LSAMP: variants seen among roughly 807,000 people sequenced by gnomAD.
LSAMP encodes the protein limbic system associated membrane protein, also known as limbic system-associated membrane protein.
In LSAMP, 7 loss-of-function variants were observed where a neutral mutation model predicts 38.6. The ratio of observed to expected loss-of-function variants is 0.18; its 90% CI spans 0.10 to 0.34. The LOEUF is 0.34. Among genes scored for constraint, LSAMP ranks in the 10% least tolerant of loss-of-function variants. LSAMP has a pLI of 1.00. For synonymous variants in LSAMP, 154 were observed against 166.8 expected (o/e 0.92, Z 0.59); for missense variants, 313 against 420.0 (o/e 0.75, Z 2.23).
At chr3:116,105,765 C>T (rs1443474260) in intron 1 of LSAMP, among the ~76,000 whole-genome samples, 2 of 152,124 alleles carry the variant, frequency 1.3e-5, no homozygotes, top group Non-Finnish European at 2.9e-5. Context: ...GATGCGATGG[C>T]TTGGCTTGGG....
At chr3:115,964,545 C>A (rs539140585) in intron 3 of LSAMP, among the ~76,000 whole-genome samples, 3 of 152,180 alleles carry the variant, frequency 2.0e-5, no homozygotes, top group Non-Finnish European at 4.4e-5. Context: ...GTGTTTCCAA[C>A]CAGTAGTATA....
chr3:116,118,693 C>T (rs1452717126), intron 1 of LSAMP, among the ~76,000 whole-genome samples: 2 of 152,102 alleles, frequency 1.3e-5, no homozygotes, highest in Non-Finnish European at 2.9e-5. Flanking sequence ...TTTGTATACA[C>T]AACACCCACA....
chr3:116,172,954 G>GA (rs542781909), intron 1 of LSAMP, among the ~76,000 whole-genome samples: 6 of 151,152 alleles, frequency 4.0e-5, no homozygotes, highest in Non-Finnish European at 7.4e-5. Context: ...TAGAATGAGA[G>GA]AAAAAAAAGA....
intron 2 of LSAMP, among the ~76,000 whole-genome samples, chr3:116,023,332 C>G (rs563075271): frequency 6.6e-6 from 1 of 151,822 alleles, no homozygotes; most frequent in African/African-American, 2.4e-5. Flanking sequence ...CGGTGGCTCA[C>G]GCCTGTAATC....
At chr3:116,206,082 C>G (rs2046063903) in intron 1 of LSAMP, among the ~76,000 whole-genome samples, 1 of 151,616 alleles carries the variant, frequency 6.6e-6, no homozygotes, top group South Asian at 2.1e-4. Context: ...AATTTCAGCT[C>G]CTGTTATTGG....
At chr3:116,092,280 A>G (rs1708141815) in intron 1 of LSAMP, among the ~76,000 whole-genome samples, 1 of 152,328 alleles carries the variant, frequency 6.6e-6, no homozygotes, top group South Asian at 2.1e-4. Context: ...GGAAATTTAA[A>G]GAGAATTATT....
At chr3:116,140,915 G>C (rs565022955) in intron 1 of LSAMP, among the ~76,000 whole-genome samples, 25 of 151,976 alleles carry the variant, frequency 1.6e-4, no homozygotes, top group African/African-American at 5.8e-4. Context: ...GAGGGAGAAG[G>C]ATAAAAGATC....
At position 115,848,564 on chromosome 3, in the gene LSAMP, G is replaced by T. The variant is rs1392197579; in HGVS notation, c.649+3919C>A. 6.6e-5 allele frequency among the ~76,000 whole-genome samples: 10 copies of T among 152,348 alleles called. No individual in the cohort carries two copies. The East Asian group carries it at 1.9e-3, about 29-fold the overall frequency. ...GTCTCCAGTCCCAATTGGGTATTCT[G>T]TGGCAACCTCTGCTTCCTCTAAATA... On this transcript the variant is annotated intron_variant, in intron 4 of 6. Coordinates refer to ENST00000490035, the MANE Select transcript of LSAMP (RefSeq NM_002338.5).
At chr3:116,174,912 T>G (rs1710299507) in intron 1 of LSAMP, among the ~76,000 whole-genome samples, 1 of 152,140 alleles carries the variant, frequency 6.6e-6, no homozygotes, top group Non-Finnish European at 1.5e-5. Context: ...CTTCAGTTCA[T>G]TTCCTATCGC....
intron 1 of LSAMP, among the ~76,000 whole-genome samples, chr3:116,135,067 T>C (rs527425611): frequency 3.3e-5 from 5 of 152,234 alleles, no homozygotes; most frequent in African/African-American, 1.2e-4. Flanking sequence ...TTCACTACTT[T>C]GAGGGGGTGC....
intron 3 of LSAMP, among the ~76,000 whole-genome samples, chr3:115,966,550 T>C (rs1938820705): frequency 6.6e-6 from 1 of 152,158 alleles, no homozygotes; most frequent in African/African-American, 2.4e-5. Context: ...AAGAACTTTA[T>C]CCTTACATGC....
At chr3:116,295,595 T>G (rs770647436) in intron 1 of LSAMP, among the ~76,000 whole-genome samples, 15 of 152,232 alleles carry the variant, frequency 9.9e-5, no homozygotes, top group Non-Finnish European at 1.9e-4. Context: ...CATGTCCTTC[T>G]AGTCACAGTT....
chr3:116,081,799 A>C (rs928718701), intron 2 of LSAMP, among the ~76,000 whole-genome samples: 2 of 152,198 alleles, frequency 1.3e-5, no homozygotes, highest in Non-Finnish European at 2.9e-5. Context: ...ACGATAGTGA[A>C]ATTTAAATCT....
chr3:116,208,687 G>A (rs933251640), intron 1 of LSAMP, among the ~76,000 whole-genome samples: 8 of 152,260 alleles, frequency 5.3e-5, no homozygotes, highest in Middle Eastern at 3.4e-3. Flanking sequence ...GCCCCTGCTG[G>A]GGGGTGCCTC....
chr3:116,091,941 G>A (rs1436739032), intron 1 of LSAMP, among the ~76,000 whole-genome samples: 1 of 152,140 alleles, frequency 6.6e-6, no homozygotes, highest in Non-Finnish European at 1.5e-5. Context: ...TCTCGTCAGT[G>A]TAACCTTCTT....
At chr3:116,372,792 A>T (rs2048446105) in intron 1 of LSAMP, among the ~76,000 whole-genome samples, 1 of 151,762 alleles carries the variant, frequency 6.6e-6, no homozygotes, top group Admixed American at 6.6e-5. Context: ...GATGCTCAAC[A>T]TCACTAATCA....
chr3:116,236,783 A>G (rs927776016), intron 1 of LSAMP, among the ~76,000 whole-genome samples: 5 of 152,068 alleles, frequency 3.3e-5, no homozygotes, highest in Non-Finnish European at 7.4e-5. Context: ...AATAAACCAC[A>G]ATGTATGAAT....
At chr3:116,142,274 T>C (rs1175500565) in intron 1 of LSAMP, among the ~76,000 whole-genome samples, 1 of 152,026 alleles carries the variant, frequency 6.6e-6, no homozygotes, top group Non-Finnish European at 1.5e-5. Flanking sequence ...AGGCAAATCA[T>C]AAATTTACAT....
chr3:116,086,281 C>T lies in LSAMP; in HGVS notation c.388+43G>A, dbSNP rs1277417186. ...TTTTGTACATTATTATTCTGCAACT[C>T]CCACCTCTTTCTTACCACCCTTCTA... On this transcript the variant is annotated intron_variant, in intron 2 of 6. Transcript: ENST00000490035. 7 of 1,444,374 alleles carry T rather than the reference C, an allele frequency of 4.8e-6. No homozygotes were observed. In the Admixed American group the frequency reaches 1.0e-4, roughly 21 times the overall value. 89.5% of individuals were successfully genotyped at this position (1,444,374 alleles called of 1,614,324 possible).
Sources: gnomAD v4.1 joint callset for allele counts (sites outside exome capture counted in the v4.1 genomes callset) on GRCh38, gnomAD v4.1.1 for gene constraint, MANE v1.5 for transcripts, NCBI Gene and HGNC (gene_info 2026-07-23, HGNC 2026-07-21) for gene names.